The following LYAR variants were observed in gnomAD, a reference collection of about 807,000 sequenced individuals.
The protein encoded by LYAR is cell growth-regulating nucleolar protein.
Under a neutral mutation model 45.2 loss-of-function variants are expected in LYAR, and 37 were observed. That is an observed-to-expected ratio of 0.82 (90% CI 0.63 to 1.08). The LOEUF is 1.08. Among genes scored for constraint, LYAR ranks in the 50% least tolerant of loss-of-function variants. LYAR has a pLI of 0.00. For missense variants in LYAR, 493 were observed against 451.0 expected, an observed-to-expected ratio of 1.09 and a Z score of -0.84; for synonymous variants, 176 against 155.1, an observed-to-expected ratio of 1.14 and a Z score of -1.00.
chr4:4,276,909 T>C (rs948414645), intron 6 of LYAR, among the ~76,000 whole-genome samples: 2 of 152,132 alleles, frequency 1.3e-5, no homozygotes, highest in Admixed American at 1.3e-4. Flanking sequence ...TCAGTAGCAG[T>C]GGCTTAGCAG....
intron 6 of LYAR, among the ~76,000 whole-genome samples, chr4:4,277,456 G>A (rs1719228864): frequency 6.6e-6 from 1 of 152,098 alleles, no homozygotes; most frequent in South Asian, 2.1e-4. Context: ...CAACTCCTCG[G>A]CCACAGGGAG....
chr4:4,274,976 C>CCTCT (rs1719121104), intron 6 of LYAR, among the ~76,000 whole-genome samples: 1 of 152,198 alleles, frequency 6.6e-6, no homozygotes, highest in African/African-American at 2.4e-5. Flanking sequence ...AGTCCACACC[C>CCTCT]CTCTGTCTGC....
At position 4,268,768 on chromosome 4, in the gene LYAR, C is replaced by T. The variant is rs1032159923; in HGVS notation, c.920-153G>A. On this transcript the variant is annotated intron_variant, in intron 8 of 9. Coordinates refer to ENST00000343470, the MANE Select transcript of LYAR (RefSeq NM_017816.3). The stretch of plus-strand genomic sequence containing the variant: ...ATAGCACCAAGCATCTGTTCAATTC[C>T]AATGTCCTAGAAGCACTCACTACCC... 3 of 588,566 alleles carry T rather than the reference C, an allele frequency of 5.1e-6. No homozygotes were observed. In the African/African-American group the frequency reaches 5.6e-5, roughly 11 times the overall value. 36.5% of individuals were successfully genotyped at this position (588,566 alleles called of 1,614,324 possible).
intron 2 of LYAR, among the ~76,000 whole-genome samples, chr4:4,284,196 T>C (rs148266655): frequency 6.6e-6 from 1 of 152,326 alleles, no homozygotes; most frequent in Non-Finnish European, 1.5e-5. Context: ...ATGAAGAGCT[T>C]TGAGGGTGTT....
chr4:4,279,013 C>G (rs373715975), intron 6 of LYAR, among the ~76,000 whole-genome samples: 1 of 152,078 alleles, frequency 6.6e-6, no homozygotes, highest in East Asian at 1.9e-4. Flanking sequence ...TAAATGAAGG[C>G]ACTAAGAGGT....
chr4:4,269,134 A>G (rs1435736223), intron 8 of LYAR, among the ~76,000 whole-genome samples: 1 of 152,154 alleles, frequency 6.6e-6, no homozygotes, highest in African/African-American at 2.4e-5. Flanking sequence ...AAGACTCTGA[A>G]AGGTAGAGAC....
At chr4:4,270,976 G>A (rs976276546) in intron 8 of LYAR, among the ~76,000 whole-genome samples, 1 of 152,132 alleles carries the variant, frequency 6.6e-6, no homozygotes, top group Non-Finnish European at 1.5e-5. Flanking sequence ...AGAGTAAATG[G>A]GGTATCCATC....
intron 3 of LYAR, among the ~76,000 whole-genome samples, chr4:4,282,553 T>C (rs1450003042): frequency 6.6e-6 from 1 of 152,142 alleles, no homozygotes; most frequent in Non-Finnish European, 1.5e-5. Context: ...TGCTCCAGAA[T>C]GAATTAAAAG....
intron 4 of LYAR, among the ~76,000 whole-genome samples, chr4:4,281,267 G>A (rs1719381205): frequency 6.7e-6 from 1 of 150,166 alleles, no homozygotes; most frequent in Non-Finnish European, 1.5e-5. Flanking sequence ...CAAAACACAT[G>A]GATTAAAGGT....
At chr4:4,268,087 C>T (rs753355450) in intron 9 of LYAR, 64 bp from the exon 10 acceptor site, 7 of 1,378,390 alleles carry the variant, frequency 5.1e-6, no homozygotes, top group Non-Finnish European at 6.7e-6. Context: ...AATGTTCTGT[C>T]TTTAACCCAG....
chr4:4,268,663 C>T (rs376450268), intron 8 of LYAR, 48 bp from the exon 9 acceptor site: 57 of 1,296,266 alleles, frequency 4.4e-5, no homozygotes, highest in African/African-American at 1.8e-4. Context: ...TGTTGTACTA[C>T]GAGAAGGGTA....
At chr4:4,276,357 A>G (rs1430332744) in intron 6 of LYAR, among the ~76,000 whole-genome samples, 4 of 152,168 alleles carry the variant, frequency 2.6e-5, no homozygotes, top group Non-Finnish European at 4.4e-5. Context: ...ACAAGCTTTC[A>G]CTAGAGTGCA....
chr4:4,275,529 C>T (rs1719143796), intron 6 of LYAR, among the ~76,000 whole-genome samples: 2 of 151,542 alleles, frequency 1.3e-5, no homozygotes, highest in African/African-American at 4.9e-5. Flanking sequence ...ACTGCAACCT[C>T]CAGCTCCCAG....
At chr4:4,279,800 G>A (rs368493292) in intron 4 of LYAR, 51 bp from the exon 5 acceptor site, 36 of 1,234,824 alleles carry the variant, frequency 2.9e-5, no homozygotes, top group Non-Finnish European at 3.6e-5. Context: ...ACCAACATGA[G>A]TTTCATGAAA....
At chr4:4,286,167 C>G (rs1386105163) in intron 2 of LYAR, among the ~76,000 whole-genome samples, 26 of 152,196 alleles carry the variant, frequency 1.7e-4, no homozygotes, top group Admixed American at 1.7e-3. Flanking sequence ...TGTCCACTTG[C>G]TTGGCTAATG....
At chr4:4,275,350 T>A (rs1330852390) in intron 6 of LYAR, among the ~76,000 whole-genome samples, 1 of 152,088 alleles carries the variant, frequency 6.6e-6, no homozygotes, top group African/African-American at 2.4e-5. Flanking sequence ...GTTTTGTAAA[T>A]TATCAGCCTT....
At chr4:4,288,272 C>T (rs969958938) in intron 1 of LYAR, among the ~76,000 whole-genome samples, 4 of 150,480 alleles carry the variant, frequency 2.7e-5, no homozygotes, top group African/African-American at 9.7e-5. Context: ...TTATACCCAG[C>T]CCCCTCCTAA....
chr4:4,270,507 A>G (rs1425986947), intron 8 of LYAR, among the ~76,000 whole-genome samples: 1 of 150,898 alleles, frequency 6.6e-6, no homozygotes, highest in Non-Finnish European at 1.5e-5. Flanking sequence ...TATTTAGAAT[A>G]AATTTAAAAA....
chr4:4,279,406 AT>A, intron 6 of LYAR, 40 bp downstream of exon 6: 1 of 1,281,226 alleles, frequency 7.8e-7, no homozygotes, highest in Non-Finnish European at 1.1e-6. Context: ...ATTACTAATT[AT>A]TTTTGCCACA....
Sources: allele counts gnomAD v4.1 joint callset (sites outside exome capture counted in the v4.1 genomes callset), GRCh38; gene constraint gnomAD v4.1.1; transcripts MANE v1.5; gene names NCBI Gene and HGNC (gene_info 2026-07-23, HGNC 2026-07-21).